TBC1D14: variants seen among roughly 807,000 people sequenced by gnomAD.
The protein encoded by TBC1D14 is TBC1 domain family, member 14.
A neutral mutation model predicts 79.0 loss-of-function variants in TBC1D14; 26 were observed. The ratio of observed to expected loss-of-function variants is 0.33; its 90% confidence interval spans 0.24 to 0.46. The LOEUF (loss-of-function observed/expected upper bound fraction) is 0.46. TBC1D14 is among the 20% of genes least tolerant of loss of function. The probability of loss-of-function intolerance (pLI) is 1.00; values close to 1 mark genes in which losing one functional copy is unlikely to be tolerated. For synonymous variants in TBC1D14, 394 were observed against 349.9 expected, an observed-to-expected ratio of 1.13 and a Z score of -1.40; for missense variants, 769 against 887.6, an observed-to-expected ratio of 0.87 and a Z score of 1.70.
chr4:6,948,594 G>A (rs566061254), intron 2 of TBC1D14, among the ~76,000 whole-genome samples: 2 of 152,250 alleles, frequency 1.3e-5, no homozygotes, highest in East Asian at 1.9e-4. Context: ...TGGGTCTCCC[G>A]TGGGTCCCAC....
At chr4:7,010,885 T>G (rs1043582010) in intron 11 of TBC1D14, 104 bp downstream of exon 11, 3 of 1,364,924 alleles carry the variant, frequency 2.2e-6, no homozygotes, top group African/African-American at 2.9e-5. Flanking sequence ...ATTTTCTCTC[T>G]GTGAAGAGAT....
At chr4:6,918,098 C>A (rs1723548874) in intron 1 of TBC1D14, among the ~76,000 whole-genome samples, 1 of 152,130 alleles carries the variant, frequency 6.6e-6, no homozygotes, top group Admixed American at 6.6e-5. Flanking sequence ...TGTCCCTGGC[C>A]CCCCACCGCA....
At chr4:6,931,533 T>G (rs1258184973) in intron 2 of TBC1D14, among the ~76,000 whole-genome samples, 1 of 152,224 alleles carries the variant, frequency 6.6e-6, no homozygotes, top group Non-Finnish European at 1.5e-5. Context: ...GCTGTGTATG[T>G]GCTGGACACA....
At chr4:7,023,767 A>T (rs545815013) in intron 12 of TBC1D14, among the ~76,000 whole-genome samples, 109 of 152,276 alleles carry the variant, frequency 7.2e-4, no homozygotes, top group African/African-American at 2.6e-3. Flanking sequence ...TAGTGAGATG[A>T]GAGAGCCCGT....
At chr4:6,966,061 A>G (rs112541319) in intron 2 of TBC1D14, among the ~76,000 whole-genome samples, 1,568 of 152,092 alleles carry the variant, frequency 0.01, 26 homozygotes, top group African/African-American at 0.035. Context: ...ATTAATTTCT[A>G]TGTTTGTTTA....
At position 6,931,390 on chromosome 4, in the gene TBC1D14, G is replaced by A. The variant is rs562811274; in HGVS notation, c.722+7279G>A. On this transcript the variant is annotated intron_variant, in intron 2 of 13. Coordinates refer to ENST00000409757, the MANE Select transcript of TBC1D14 (RefSeq NM_020773.3). ...CAAGCATTGATTCAGCACCTGGGAG[G>A]TCACTGGTAACCTTGACCCGAGACG... Among the ~76,000 whole-genome samples, 7 of 152,334 alleles carry A rather than the reference G, an allele frequency of 4.6e-5. No homozygotes were observed. The South Asian group carries it at 1.5e-3, about 32-fold the overall frequency.
At chr4:6,961,395 A>G (rs180804191) in intron 2 of TBC1D14, among the ~76,000 whole-genome samples, 1 of 148,024 alleles carries the variant, frequency 6.8e-6, no homozygotes, top group African/African-American at 2.6e-5. Flanking sequence ...TGACCCCCCA[A>G]ATCTCTCTGT....
chr4:6,983,982 G>A (rs1277364563), intron 3 of TBC1D14, among the ~76,000 whole-genome samples: 2 of 152,174 alleles, frequency 1.3e-5, no homozygotes, highest in African/African-American at 4.8e-5. Context: ...TGTGGATCTT[G>A]TGTTCAGTCT....
chr4:6,969,220 TATG>T (rs1051322965), intron 3 of TBC1D14, among the ~76,000 whole-genome samples: 1 of 152,168 alleles, frequency 6.6e-6, no homozygotes, highest in African/African-American at 2.4e-5. Context: ...ACAATTAAAG[TATG>T]ATGAGTTTGT....
At chr4:7,002,929 A>T in intron 7 of TBC1D14, among the ~76,000 whole-genome samples, 1 of 152,194 alleles carries the variant, frequency 6.6e-6, no homozygotes, top group East Asian at 1.9e-4. Context: ...TGGAAAGGCT[A>T]GGACTGTGCC....
intron 2 of TBC1D14, 81 bp downstream of exon 2, chr4:6,924,192 G>T (rs1036132757): frequency 7.1e-5 from 106 of 1,488,232 alleles, no homozygotes; most frequent in Non-Finnish European, 8.4e-5. Context: ...AATGTGTTGT[G>T]TGTTCTCTGT....
At chr4:6,964,235 C>T (rs1715501263) in intron 2 of TBC1D14, among the ~76,000 whole-genome samples, 1 of 152,212 alleles carries the variant, frequency 6.6e-6, no homozygotes, top group African/African-American at 2.4e-5. Flanking sequence ...GAATAACACT[C>T]CAGCTTGTGC....
At chr4:6,944,925 G>A (rs1713285717) in intron 2 of TBC1D14, among the ~76,000 whole-genome samples, 1 of 152,202 alleles carries the variant, frequency 6.6e-6, no homozygotes, top group African/African-American at 2.4e-5. Flanking sequence ...GGTGTTTCAG[G>A]TGTCTTGCTC....
At chr4:7,017,115 A>G (rs952294334) in intron 12 of TBC1D14, among the ~76,000 whole-genome samples, 7 of 152,300 alleles carry the variant, frequency 4.6e-5, no homozygotes, top group African/African-American at 1.7e-4. Context: ...AACCTGGCCA[A>G]TGTGGCGAAA....
At chr4:6,987,901 A>G (rs1164719344) in intron 3 of TBC1D14, among the ~76,000 whole-genome samples, 1 of 152,228 alleles carries the variant, frequency 6.6e-6, no homozygotes, top group African/African-American at 2.4e-5. Flanking sequence ...GACTATTAGA[A>G]AAGGACTCCT....
At chr4:6,945,361 G>A (rs1269494504) in intron 2 of TBC1D14, among the ~76,000 whole-genome samples, 1 of 152,026 alleles carries the variant, frequency 6.6e-6, no homozygotes, top group Non-Finnish European at 1.5e-5. Context: ...TTTCTTGAGT[G>A]AGTAGAAATG....
At chr4:6,932,631 G>A (rs376129638) in intron 2 of TBC1D14, among the ~76,000 whole-genome samples, 44 of 152,224 alleles carry the variant, frequency 2.9e-4, no homozygotes, top group African/African-American at 7.9e-4. Context: ...TTGTCTTTTC[G>A]AGATGGGGTC....
rs548792810 is a variant in TBC1D14 at position 6,955,360 on chromosome 4, G to A, written c.723-11944G>A. Among the ~76,000 whole-genome samples, 6 of 152,312 alleles carry A rather than the reference G, an allele frequency of 3.9e-5. No individual in the cohort carries two copies. The South Asian group carries it at 6.2e-4, about 16-fold the overall frequency. On this transcript the variant is annotated intron_variant, in intron 2 of 13. Coordinates refer to ENST00000409757, the MANE Select transcript of TBC1D14 (RefSeq NM_020773.3). ...CTTCAGGAGGAAGCGTCTTAGCCTC[G>A]CTGGGCCTCGGTGTCCTGTCCGTAC...
At chr4:7,012,519 TA>T (rs1474054136) in intron 11 of TBC1D14, among the ~76,000 whole-genome samples, 1 of 152,186 alleles carries the variant, frequency 6.6e-6, no homozygotes, top group African/African-American at 2.4e-5. Flanking sequence ...TTTACAATTG[TA>T]AATGTGAGAA....
Sources: allele counts gnomAD v4.1 joint callset (sites outside exome capture counted in the v4.1 genomes callset), GRCh38; gene constraint gnomAD v4.1.1; transcripts MANE v1.5; gene names NCBI Gene and HGNC (gene_info 2026-07-23, HGNC 2026-07-21).